Variants in MBTD1 observed in about 807,000 individuals in gnomAD.
The protein encoded by MBTD1 is MBT domain-containing protein 1.
A neutral mutation model predicts 87.8 loss-of-function variants in MBTD1; 24 were observed. The observed-to-expected ratio is 0.27, with a 90% CI of 0.20 to 0.38. MBTD1 has a LOEUF of 0.38. MBTD1 is among the 10% of genes least tolerant of loss of function. The pLI, the probability that MBTD1 is intolerant of heterozygous loss-of-function variation, is 1.00. For missense variants in MBTD1, 436 were observed against 760.2 expected (o/e 0.57, Z 5.02); for synonymous variants, 237 against 248.6 (o/e 0.95, Z 0.44).
At position 51,232,339 on chromosome 17, in the gene MBTD1, G is replaced by C. The variant is rs140754438; in HGVS notation, c.-48-7130C>G. On this transcript the variant is annotated intron_variant, in intron 2 of 16. Transcript: ENST00000586178. Reference sequence around the variant, plus strand: ...CCCACCAATTTTATCAAGTATGAGCGCACGATCAAATAGCAAACACATAAT... The same window carrying C: ...CCCACCAATTTTATCAAGTATGAGCCCACGATCAAATAGCAAACACATAAT... Among the ~76,000 whole-genome samples, 96 of 152,102 alleles carry C rather than the reference G, an allele frequency of 6.3e-4. 1 individual carries two copies. In the South Asian group the frequency reaches 9.8e-3, roughly 15 times the overall value.
intron 6 of MBTD1, among the ~76,000 whole-genome samples, chr17:51,213,523 T>C (rs1409747644): frequency 1.3e-5 from 2 of 151,970 alleles, no homozygotes; most frequent in African/African-American, 2.4e-5. Context: ...ATACTGCTCT[T>C]AGGGGCTTAA....
chr17:51,190,750 A>AAAAAATATATATATAT (rs1555677185), intron 16 of MBTD1, among the ~76,000 whole-genome samples: 2 of 39,714 alleles, frequency 5.0e-5, no homozygotes, highest in African/African-American at 3.0e-4. Context: ...AAAAAAAAAA[A>AAAAAATATATATATAT]ATATATATAT....
chr17:51,193,370 A>G, intron 14 of MBTD1, 58 bp downstream of exon 14: 1 of 1,160,310 alleles, frequency 8.6e-7, no homozygotes, highest in Non-Finnish European at 1.3e-6. Context: ...ATGAACATAA[A>G]TTGTATTTGT....
rs2050265057 is a variant in MBTD1 at position 51,180,664 on chromosome 17, A to G, written c.1799T>C (p.Leu600Pro). 1 of 1,549,868 alleles carries G rather than the reference A, an allele frequency of 6.5e-7. No individual in the cohort carries two copies. Among genetic ancestry groups the G allele is most frequent in the Non-Finnish European group, 8.7e-7 (1 of 1,145,338 alleles). ...MTTLQLKEELLDGEDYNFLQG... is the reference protein window; with the variant it reads ...MTTLQLKEELPDGEDYNFLQG... Reference sequence around the variant, plus strand: ...AAGGAAATTATAATCCTCTCCATCCAGCAACTCCTCCTTCAGCTGCAGTGT... The same window carrying G: ...AAGGAAATTATAATCCTCTCCATCCGGCAACTCCTCCTTCAGCTGCAGTGT... Residue 600 changes from leucine to proline, a missense_variant, in exon 17 of 17, where the codon CTG (leucine) becomes CCG (proline). This residue lies in a region of MBTD1 where 32 missense variants were observed against 34.7 expected (regional missense o/e 0.92). Transcript: ENST00000586178.
intron 16 of MBTD1, among the ~76,000 whole-genome samples, chr17:51,182,444 G>A (rs917420513): frequency 1.3e-5 from 2 of 152,088 alleles, no homozygotes; most frequent in Non-Finnish European, 2.9e-5. Flanking sequence ...CATTTGAATG[G>A]TTCTTTACAC....
At chr17:51,252,702 C>G (rs1255353380) in intron 2 of MBTD1, among the ~76,000 whole-genome samples, 4 of 151,442 alleles carry the variant, frequency 2.6e-5, no homozygotes, top group Non-Finnish European at 1.5e-5. Flanking sequence ...CTACTGCACT[C>G]CAGTCTGGGC....
intron 12 of MBTD1, among the ~76,000 whole-genome samples, chr17:51,198,492 T>C (rs1308732194): frequency 6.6e-6 from 1 of 152,218 alleles, no homozygotes; most frequent in Non-Finnish European, 1.5e-5. Context: ...GCCTAAGACC[T>C]CTGGACAGAA....
At chr17:51,244,907 G>T (rs1292167560) in intron 2 of MBTD1, among the ~76,000 whole-genome samples, 2 of 151,882 alleles carry the variant, frequency 1.3e-5, no homozygotes, top group Middle Eastern at 3.4e-3. Context: ...GTTCTACAGA[G>T]CATTTTTTTT....
intron 2 of MBTD1, among the ~76,000 whole-genome samples, chr17:51,258,592 G>C (rs1039500335): frequency 1.3e-5 from 2 of 151,992 alleles, no homozygotes; most frequent in Admixed American, 1.3e-4. Flanking sequence ...TCAAATACGG[G>C]TGTGGGCGGT....
Position 51,259,840 on chromosome 17 carries a change from C to G in MBTD1, c.-118G>C. 1 of 1,232,030 alleles carries G rather than the reference C, an allele frequency of 8.1e-7. No individual in the cohort carries two copies. The highest frequency in any genetic ancestry group is 1.0e-6 in the Non-Finnish European group (1 of 987,944). 76.3% of individuals were successfully genotyped at this position (1,232,030 alleles called of 1,614,324 possible). On this transcript the variant is annotated 5_prime_UTR_variant, in exon 1 of 17. Transcript: ENST00000586178. ...CTGCCGCGCTCGGCTCTCACCAGAT[C>G]CTTTGTGTTTTCCATCAGGGCCTCA... is the stretch of plus-strand genomic sequence containing the variant.
intron 12 of MBTD1, 24 bp downstream of exon 12, chr17:51,201,568 A>G (rs370818041): frequency 6.4e-5 from 93 of 1,446,082 alleles, no homozygotes; most frequent in Non-Finnish European, 8.1e-5. Context: ...TTGCATTTCT[A>G]TATTTTAAAA....
chr17:51,201,036 C>T (rs2051459146), intron 12 of MBTD1, among the ~76,000 whole-genome samples: 1 of 151,902 alleles, frequency 6.6e-6, no homozygotes, highest in Non-Finnish European at 1.5e-5. Flanking sequence ...ACCTGTGATC[C>T]CAGCCACTCT....
In MBTD1 at chr17:51,255,712, C is replaced by T. The variant is rs188137108; in HGVS notation, c.-49+3431G>A. Among the ~76,000 whole-genome samples the T allele has an allele frequency of 4.5e-4, 69 of 152,034 alleles. No homozygotes were observed. The Middle Eastern group carries it at 0.014, about 30-fold the overall frequency. ...CCACCAGACTCAAGCAATCCTCCCA[C>T]CTCTGCCCCCGAGTAGCTGGGACTA... On this transcript the variant is annotated intron_variant, in intron 2 of 16. Coordinates refer to ENST00000586178, the MANE Select transcript of MBTD1 (RefSeq NM_017643.3).
chr17:51,248,492 T>C (rs1475696472), intron 2 of MBTD1, among the ~76,000 whole-genome samples: 1 of 152,240 alleles, frequency 6.6e-6, no homozygotes, highest in Non-Finnish European at 1.5e-5. Flanking sequence ...TATCAAAATA[T>C]AGGACTTTTC....
chr17:51,195,223 G>A lies in MBTD1; in HGVS notation c.1363C>T (p.Pro455Ser), dbSNP rs2051031458. 6.2e-7 allele frequency: 1 copy of A among 1,611,962 alleles called. No individual in the cohort carries two copies. ...TATTAGGATGAAGTACCTCTGGGTG[G>A]AGTAAGTTCAATCATGTTAATTTCA... ...FCEINMIELT[P>S]PRGYTKLPFK... The change falls in exon 13 of 17, where the codon CCA becomes TCA. Residue 455 changes from proline to serine, a missense_variant. Physicochemically the swap from Pro to Ser is moderately conservative, Grantham distance 74. Transcript: ENST00000586178.
chr17:51,182,523 T>G (rs2050361750), intron 16 of MBTD1, among the ~76,000 whole-genome samples: 1 of 152,144 alleles, frequency 6.6e-6, no homozygotes, highest in Admixed American at 6.5e-5. Context: ...CTTGGAAACA[T>G]AAGCGCAGCA....
chr17:51,260,432 T>A, upstream of MBTD1: 1 of 807,608 alleles, frequency 1.2e-6, no homozygotes, highest in Non-Finnish European at 1.9e-6. Flanking sequence ...GGAGCGGGAG[T>A]TACGTAGAGG....
upstream of MBTD1, chr17:51,260,632 A>G (rs117093534): frequency 0.016 from 25,892 of 1,612,562 alleles, 243 homozygotes; most frequent in Non-Finnish European, 0.018. Flanking sequence ...GGAGAACCGG[A>G]GCGAAGCCGA....
At chr17:51,244,084 C>T (rs1049785911) in intron 2 of MBTD1, among the ~76,000 whole-genome samples, 20 of 152,174 alleles carry the variant, frequency 1.3e-4, no homozygotes, top group African/African-American at 2.7e-4. Flanking sequence ...TGCAACCAAT[C>T]GGCAACCTCA....
Sources: gnomAD v4.1 joint callset for allele counts (sites outside exome capture counted in the v4.1 genomes callset) on GRCh38, gnomAD v4.1.1 for gene constraint, gnomAD v4.1.1 regional missense constraint, MANE v1.5 for transcripts, NCBI Gene and HGNC (gene_info 2026-07-23, HGNC 2026-07-21) for gene names.